ENTPD8: variants seen among roughly 807,000 people sequenced by gnomAD.
ENTPD8 encodes E-NTPDase 8.
A neutral mutation model predicts 47.0 loss-of-function variants in ENTPD8; 35 were observed. The ratio of observed to expected loss-of-function variants is 0.75; its 90% confidence interval spans 0.57 to 0.99. ENTPD8 has a LOEUF of 0.99. ENTPD8 is among the 50% of genes least tolerant of loss of function. The pLI is 0.00. For missense variants in ENTPD8, 668 were observed against 649.9 expected, an observed-to-expected ratio of 1.03 and a Z score of -0.30; for synonymous variants, 308 against 290.5, an observed-to-expected ratio of 1.06 and a Z score of -0.61.
chr9:137,435,820 T>C lies in ENTPD8; in HGVS notation c.1060A>G (p.Asn354Asp), dbSNP rs1479642278. The change falls in exon 8 of 10, where the codon AAC becomes GAC. Residue 354 changes from asparagine (N) to aspartate (D), a missense_variant. Transcript: ENST00000371506. ...AGGAAGTGGAAGGTGTAGTAGAAGT[T>C]GGAGAAGGCCTGAGTGAGAGGGGAG... is the stretch of plus-strand genomic sequence containing the variant. ...PLRGQFYAFSNFYYTFHFLNL... is the reference protein window; with the variant it reads ...PLRGQFYAFSDFYYTFHFLNL... The C allele has an allele frequency of 8.7e-6, 14 of 1,613,304 alleles. No individual in the cohort carries two copies. Among genetic ancestry groups the C allele is most frequent in the African/African-American group, 2.7e-5 (2 of 74,898 alleles).
rs1839327327 is a variant in ENTPD8 at position 137,435,728 on chromosome 9, GGGCCTCT to G, written c.1145_1151del (p.Gln382ProfsTer63). On this transcript the variant is annotated frameshift_variant, in exon 8 of 10. Coordinates refer to ENST00000371506, the MANE Select transcript of ENTPD8 (RefSeq NM_001033113.2). LOFTEE classifies it high-confidence loss of function. Reference sequence around the variant, plus strand: ...CCCAGGGCCCACCCACCAGTTTCCAGGGCCTCTGGCAAAACTCCCAGATGGTGGCGTT... The same window carrying G: ...CCCAGGGCCCACCCACCAGTTTCCAGGGCAAAACTCCCAGATGGTGGCGTT... 1 of 1,612,936 alleles carries G rather than the reference GGGCCTCT, an allele frequency of 6.2e-7. No homozygotes were observed. The highest frequency in any genetic ancestry group is 8.5e-7 in the Non-Finnish European group (1 of 1,179,644).
rs1839350924 is a variant in ENTPD8, at chr9:137,436,290, G to A, written c.787-14C>T. ...AGCCGGGCGGCTCTGCAGAGGGCAG[G>A]GAGGCCTGAGCACCAGCCGCACACC... On this transcript the variant is annotated splice_polypyrimidine_tract_variant and intron_variant, in intron 6 of 9. Transcript: ENST00000371506. 6.4e-7 allele frequency: 1 copy of A among 1,559,618 alleles called. No homozygotes were observed. The highest frequency in any genetic ancestry group is 1.2e-5 in the South Asian group (1 of 83,674).
Position 137,434,613 on chromosome 9 carries a change from G to T in ENTPD8, c.*301C>A, listed in dbSNP as rs1231296952. 1.2e-5 allele frequency: 7 copies of T among 584,168 alleles called. No homozygotes were observed. Among genetic ancestry groups the T allele is most frequent in the Non-Finnish European group, 2.1e-5 (7 of 339,304 alleles). 36.2% of individuals were successfully genotyped at this position (584,168 alleles called of 1,614,324 possible). A position where few individuals can be genotyped will look rare whatever the true frequency, so the allele number is the denominator to read the frequency against. Reference sequence around the variant, plus strand: ...CGTGGTCTTGCCCTGTTTGCAGGCAGCATGTGGCCCTGCAGTCACACAGCC... The same window carrying T: ...CGTGGTCTTGCCCTGTTTGCAGGCATCATGTGGCCCTGCAGTCACACAGCC... On this transcript the variant is annotated 3_prime_UTR_variant, in exon 10 of 10. Transcript: ENST00000371506.
intron 7 of ENTPD8, 24 bp downstream of exon 7, chr9:137,435,989 G>A: frequency 6.2e-7 from 1 of 1,610,310 alleles, no homozygotes; most frequent in Non-Finnish European, 8.5e-7. Context: ...CCGGACCCCT[G>A]GTGGGGGCAG....
At chr9:137,435,605 C>A in intron 8 of ENTPD8, 114 bp downstream of exon 8, 1 of 1,164,966 alleles carries the variant, frequency 8.6e-7, no homozygotes, top group Non-Finnish European at 1.2e-6. Context: ...CTGCCCTTGC[C>A]TCCCCCGGCC....
At position 137,437,398 on chromosome 9, in the gene ENTPD8, C is replaced by G. The variant is rs564392593; in HGVS notation, c.245-89G>C. On this transcript the variant is annotated intron_variant, in intron 3 of 9. Transcript: ENST00000371506. ...CCAAAGACATGACCACCTCATGCCC[C>G]CTGGTGCAGCCACCAGCCAAGGGCT... 5.4e-6 allele frequency: 8 copies of G among 1,481,460 alleles called. No individual in the cohort carries two copies. The African/African-American group carries it at 9.8e-5, about 18-fold the overall frequency. 91.8% of individuals were successfully genotyped at this position (1,481,460 alleles called of 1,614,324 possible).
At chr9:137,439,882 C>A (rs906060096) in intron 1 of ENTPD8, among the ~76,000 whole-genome samples, 8 of 139,328 alleles carry the variant, frequency 5.7e-5, no homozygotes, top group African/African-American at 2.1e-4. Context: ...AGGAAAGCGC[C>A]CCCCAGACCA....
At chr9:137,440,127 GACCAGGACAGCCCCC>G (rs1839483394) in intron 1 of ENTPD8, among the ~76,000 whole-genome samples, 1 of 47,840 alleles carries the variant, frequency 2.1e-5, no homozygotes, top group Non-Finnish European at 3.8e-5. Context: ...AGCCCCCCCA[GACCAGGACAGCCCCC>G]CCAGACCAGG....
rs112534145 is a variant in ENTPD8 at position 137,435,109 on chromosome 9, C to T, written c.1297-4G>A. 4.3e-4 allele frequency: 684 copies of T among 1,607,344 alleles called. No homozygotes were observed. In the African/African-American group the frequency reaches 4.7e-3, roughly 11 times the overall value. On this transcript the variant is annotated splice_polypyrimidine_tract_variant and splice_region_variant and intron_variant, in intron 9 of 9. Coordinates refer to ENST00000371506, the MANE Select transcript of ENTPD8 (RefSeq NM_001033113.2). ...AGCCAATGTCCACACCGCCCGCCTG[C>T]GGGACACACGGCTGCTCAGGGCTGC...
rs777099766 is a variant in ENTPD8, at chr9:137,436,259, C to T, written c.804G>A (p.Leu268=). Residue 268 remains leucine (L), a synonymous_variant, in exon 7 of 10, where the codon CTG becomes CTA. Transcript: ENST00000371506. Reference sequence around the variant, plus strand: ...CGCTGAGGTAGCACGGGTGACGGAGCAGGGCAGCCGGGCGGCTCTGCAGAG... The same window carrying T: ...CGCTGAGGTAGCACGGGTGACGGAGTAGGGCAGCCGGGCGGCTCTGCAGAG... ...VGLVQSRPAA[L]LRHPCYLSGY... The T allele has an allele frequency of 1.9e-6, 3 of 1,597,714 alleles. No individual in the cohort carries two copies. Among genetic ancestry groups the T allele is most frequent in the Non-Finnish European group, 1.7e-6 (2 of 1,170,280 alleles).
At chr9:137,436,834 C>A (rs1190734706) in intron 5 of ENTPD8, 35 bp downstream of exon 5, 2 of 1,607,324 alleles carry the variant, frequency 1.2e-6, no homozygotes, top group Non-Finnish European at 1.7e-6. Context: ...CAGCCCCTCG[C>A]AGACCAGCCC....
Position 137,438,992 on chromosome 9 carries a change from C to T in ENTPD8, c.-20-687G>A, listed in dbSNP as rs1182980424. Among the ~76,000 whole-genome samples the T allele has an allele frequency of 9.9e-5, 15 of 152,158 alleles. No homozygotes were observed. Among genetic ancestry groups the T allele is most frequent in the Non-Finnish European group, 1.9e-4 (13 of 67,990 alleles). On this transcript the variant is annotated intron_variant, in intron 1 of 9. Coordinates refer to ENST00000371506, the MANE Select transcript of ENTPD8 (RefSeq NM_001033113.2). This position sits in a 1 kb window ranked among gnomAD's most constrained non-coding sequence, Gnocchi z 5.7. ...CTGCCTCCTCTCTGCGGCCCCCACC[C>T]CAGGCACTCCTAGGGTGGGGGTTTC...
chr9:137,436,301 C>A (rs531932734), intron 6 of ENTPD8, 25 bp from the exon 7 acceptor site: 7 of 1,539,446 alleles, frequency 4.5e-6, no homozygotes, highest in Middle Eastern at 2.2e-4. Context: ...GAGGCCTGAG[C>A]ACCAGCCGCA....
intron 6 of ENTPD8, 120 bp from the exon 7 acceptor site, chr9:137,436,396 GATGA>G: frequency 2.2e-6 from 3 of 1,336,856 alleles, no homozygotes; most frequent in Non-Finnish European, 3.0e-6. Flanking sequence ...CCCGGTGCCG[GATGA>G]CCCACGCCAG....
In ENTPD8 at chr9:137,434,721, G is replaced by A. The variant is rs1839287347; in HGVS notation, c.*193C>T. ...GCCCAGTTGCGGAAGGAGGTTGGGG[G>A]AGGGACGCCGGGAGGGGAGGTCATG... On this transcript the variant is annotated 3_prime_UTR_variant, in exon 10 of 10. Transcript: ENST00000371506. 2.7e-6 allele frequency: 2 copies of A among 741,346 alleles called. No homozygotes were observed. The highest frequency in any genetic ancestry group is 2.0e-5 in the South Asian group (1 of 50,082). 45.9% of individuals were successfully genotyped at this position (741,346 alleles called of 1,614,324 possible). A position where few individuals can be genotyped will look rare whatever the true frequency, so the allele number is the denominator to read the frequency against.
In ENTPD8 at chr9:137,438,242, C is replaced by A; in HGVS notation, c.44G>T (p.Gly15Val). The stretch of plus-strand genomic sequence containing the variant: ...CGTGAGGCCTGAGACCCCCGAGGCC[C>A]CCAGCAGGGCCAAGAAGACCTGCTC... ...RKEQVFLALL[G>V]ASGVSGLTAL... Residue 15 changes from glycine to valine, a missense_variant, in exon 2 of 10, where the codon GGG (glycine) becomes GTG (valine). Gly to Val is a moderately radical substitution (Grantham distance 109). Coordinates refer to ENST00000371506, the MANE Select transcript of ENTPD8 (RefSeq NM_001033113.2). This position sits in a 1 kb window ranked among gnomAD's most constrained non-coding sequence, Gnocchi z 5.7. 6.3e-7 allele frequency: 1 copy of A among 1,599,490 alleles called. No homozygotes were observed. The highest frequency in any genetic ancestry group is 1.7e-5 in the Admixed American group (1 of 58,486).
In ENTPD8 at chr9:137,435,020, C is replaced by G; in HGVS notation, c.1382G>C (p.Arg461Pro). 6.2e-7 allele frequency: 1 copy of G among 1,612,776 alleles called. No individual in the cohort carries two copies. The highest frequency in any genetic ancestry group is 8.5e-7 in the Non-Finnish European group (1 of 1,179,890). Residue 461 changes from arginine (R) to proline (P), a missense_variant, in exon 10 of 10, where the codon CGG (arginine) becomes CCG (proline). Coordinates refer to ENST00000371506, the MANE Select transcript of ENTPD8 (RefSeq NM_001033113.2). Reference protein sequence around the residue: ...MIPADAPAQWRAESYGVWVAK... With the variant: ...MIPADAPAQWPAESYGVWVAK... ...CACCCAGACGCCGTAGCTCTCTGCC[C>G]GCCACTGAGCCGGCGCATCGGCCGG...
rs757636531 is a variant in ENTPD8, at chr9:137,436,072, C to T, written c.991G>A (p.Gly331Ser). 4.3e-6 allele frequency: 7 copies of T among 1,612,864 alleles called. No individual in the cohort carries two copies. Among genetic ancestry groups the T allele is most frequent in the African/African-American group, 1.3e-5 (1 of 74,940 alleles). The change falls in exon 7 of 10, where the codon GGC (glycine) becomes AGC (serine). Residue 331 changes from glycine to serine, a missense_variant. Coordinates refer to ENST00000371506, the MANE Select transcript of ENTPD8 (RefSeq NM_001033113.2). The part of the protein sequence containing the change: ...RELFNFSSCQ[G>S]QEDCAFDGVY... The stretch of plus-strand genomic sequence containing the variant: ...CCGTCAAAGGCGCAGTCCTCCTGGC[C>T]CTGGCAGCTGGAGAAGTTGAAAAGT...
At position 137,436,603 on chromosome 9, in the gene ENTPD8, G is replaced by C. The variant is rs1839368116; in HGVS notation, c.704C>G (p.Ser235Cys). The change falls in exon 6 of 10, where the codon TCC (serine) becomes TGC (cysteine). Residue 235 changes from serine to cysteine, a missense_variant. Physicochemically the swap from Ser to Cys is moderately radical, Grantham distance 112. Coordinates refer to ENST00000371506, the MANE Select transcript of ENTPD8 (RefSeq NM_001033113.2). ...STQADFRLYG[S>C]DYSVYTHSYL... ...GCTGTGAGTGTAGACGCTGTAGTCG[G>C]AGCCGTAGAGGCGAAAATCGGCCTG... The C allele has an allele frequency of 1.9e-6, 3 of 1,611,298 alleles. No homozygotes were observed. Among genetic ancestry groups the C allele is most frequent in the African/African-American group, 1.3e-5 (1 of 74,906 alleles).
Sources: allele counts gnomAD v4.1 joint callset (sites outside exome capture counted in the v4.1 genomes callset), GRCh38; gene constraint gnomAD v4.1.1; non-coding constraint Gnocchi (gnomAD v3.1); transcripts MANE v1.5; gene names NCBI Gene and HGNC (gene_info 2026-07-23, HGNC 2026-07-21).